NAALADL2: variants seen among roughly 807,000 people sequenced by gnomAD.
The protein encoded by NAALADL2 is inactive N-acetylated-alpha-linked acidic dipeptidase-like protein 2.
NAALADL2 carries 76 observed loss-of-function variants against 87.2 expected under a neutral mutation model. That is an observed-to-expected ratio of 0.87 (90% CI 0.72 to 1.05). NAALADL2 has a LOEUF of 1.05. Ranked by LOEUF, NAALADL2 falls within the 50% of genes least tolerant of loss-of-function variation. The probability of loss-of-function intolerance (pLI) is 0.00; values close to 1 mark genes in which losing one functional copy is unlikely to be tolerated. For missense variants in NAALADL2, 1,089 were observed against 945.8 expected (o/e 1.15, Z -1.99); for synonymous variants, 354 against 331.0 (o/e 1.07, Z -0.75).
At chr3:175,567,724 T>C (rs1041037689) in intron 9 of NAALADL2, among the ~76,000 whole-genome samples, 13 of 151,208 alleles carry the variant, frequency 8.6e-5, no homozygotes, top group Non-Finnish European at 1.8e-4. Context: ...TTTTCTTTTT[T>C]TTTTTTTTTG....
At chr3:175,626,345 A>G (rs1237159857) in intron 10 of NAALADL2, among the ~76,000 whole-genome samples, 1 of 151,914 alleles carries the variant, frequency 6.6e-6, no homozygotes, top group Non-Finnish European at 1.5e-5. Flanking sequence ...GTCCATGTCA[A>G]TGTTATCTTA....
At chr3:174,881,002 A>T (rs986537298) in intron 1 of NAALADL2, among the ~76,000 whole-genome samples, 2 of 152,044 alleles carry the variant, frequency 1.3e-5, no homozygotes, top group African/African-American at 4.8e-5. Flanking sequence ...CTGTCTTTTT[A>T]TCTGGGTCTT....
chr3:174,548,144 A>G (rs1488620326), intron 1 of NAALADL2, among the ~76,000 whole-genome samples: 1 of 152,204 alleles, frequency 6.6e-6, no homozygotes, highest in Non-Finnish European at 1.5e-5. Context: ...CATTTAGTTC[A>G]TTACGAACTG....
chr3:175,083,989 GAGA>G (rs1219980647), intron 1 of NAALADL2, among the ~76,000 whole-genome samples: 1 of 152,218 alleles, frequency 6.6e-6, no homozygotes, highest in East Asian at 1.9e-4. Context: ...TGTGTATGCC[GAGA>G]AGAAGCTTGA....
chr3:175,728,111 A>G (rs954195647), intron 11 of NAALADL2, among the ~76,000 whole-genome samples: 4 of 152,178 alleles, frequency 2.6e-5, no homozygotes, highest in African/African-American at 9.7e-5. Context: ...ATAGTTGAAT[A>G]TTAGATATCA....
chr3:175,329,772 G>A (rs1444866310), intron 5 of NAALADL2, among the ~76,000 whole-genome samples: 5 of 151,962 alleles, frequency 3.3e-5, no homozygotes, highest in Admixed American at 6.6e-5. Context: ...ATTGTTAAGC[G>A]GCAAAATTTT....
chr3:175,089,930 T>C (rs573808609), intron 1 of NAALADL2, among the ~76,000 whole-genome samples: 1 of 152,192 alleles, frequency 6.6e-6, no homozygotes, highest in East Asian at 1.9e-4. Context: ...GGCTTTCTTT[T>C]AGCCTGAATA....
chr3:174,458,050 T>C (rs796590587), intron 1 of NAALADL2, among the ~76,000 whole-genome samples: 1 of 152,156 alleles, frequency 6.6e-6, no homozygotes, highest in East Asian at 1.9e-4. Flanking sequence ...CCAAGCTTGA[T>C]ACCTGGGTGG....
intron 12 of NAALADL2, among the ~76,000 whole-genome samples, chr3:175,746,161 TTTTC>T (rs1745892516): frequency 1.3e-5 from 2 of 151,214 alleles, no homozygotes; most frequent in South Asian, 4.2e-4. Flanking sequence ...GGTCTGACTT[TTTTC>T]TTTTTTTTTT....
intron 6 of NAALADL2, among the ~76,000 whole-genome samples, chr3:175,455,928 T>C (rs540483457): frequency 6.6e-6 from 1 of 152,120 alleles, no homozygotes; most frequent in East Asian, 1.9e-4. Context: ...CTCAAGTATA[T>C]ATAATGGGAC....
chr3:174,554,580 A>G, intron 2 of NAALADL2, among the ~76,000 whole-genome samples: 1 of 152,078 alleles, frequency 6.6e-6, no homozygotes, highest in Admixed American at 6.6e-5. Context: ...AAATCTATGA[A>G]GCATGTCATT....
At chr3:175,140,328 A>C (rs1729806901) in intron 2 of NAALADL2, among the ~76,000 whole-genome samples, 1 of 152,154 alleles carries the variant, frequency 6.6e-6, no homozygotes, top group Non-Finnish European at 1.5e-5. Flanking sequence ...AGGTGGGACT[A>C]GAAAATGTAC....
At chr3:175,044,930 AT>A (rs5854607) in intron 1 of NAALADL2, among the ~76,000 whole-genome samples, 37,181 of 143,618 alleles carry the variant, frequency 0.26, 4,733 homozygotes, top group East Asian at 0.38. Flanking sequence ...GCAATTTCTG[AT>A]TTTTTTTTTT....
intron 2 of NAALADL2, among the ~76,000 whole-genome samples, chr3:175,125,984 A>G (rs1329496034): frequency 6.6e-6 from 1 of 152,096 alleles, no homozygotes; most frequent in Admixed American, 6.6e-5. Context: ...ATTTACAGGA[A>G]ATCCAAAACA....
Position 175,324,195 on chromosome 3 carries a change from T to A in NAALADL2, c.960T>A (p.Ala320=), listed in dbSNP as rs778376386. The change falls in exon 5 of 14, where the codon GCT becomes GCA. Residue 320 remains alanine, a synonymous_variant. Transcript: ENST00000454872. ...LLYKLSSLEK[A]GFGGVLLYID... The stretch of plus-strand genomic sequence containing the variant: ...TTTAGCTTTCCTCATTGGAAAAGGC[T>A]GGATTTGGAGGTGTTCTTCTGTATA... The A allele has an allele frequency of 6.2e-7, 1 of 1,613,232 alleles. No individual in the cohort carries two copies. The highest frequency in any genetic ancestry group is 8.5e-7 in the Non-Finnish European group (1 of 1,179,588).
chr3:175,657,132 A>G lies in NAALADL2; in HGVS notation c.1896+29746A>G, dbSNP rs906411701. ...TTCAGTCAATTAGTATTAAAATGCC[A>G]GATATTTTTCCCTCCAAGAGTCAGG... On this transcript the variant is annotated intron_variant, in intron 11 of 13. Transcript: ENST00000454872. 3.9e-5 allele frequency among the ~76,000 whole-genome samples: 6 copies of G among 152,200 alleles called. No homozygotes were observed. In the South Asian group the frequency reaches 1.2e-3, roughly 32 times the overall value.
At chr3:174,951,768 CTGGTTAA>C (rs1740396717) in intron 1 of NAALADL2, among the ~76,000 whole-genome samples, 1 of 152,062 alleles carries the variant, frequency 6.6e-6, no homozygotes, top group Non-Finnish European at 1.5e-5. Flanking sequence ...CAAATACTTG[CTGGTTAA>C]ATGTTATTTT....
chr3:175,125,074 T>A (rs1260564630), intron 2 of NAALADL2, among the ~76,000 whole-genome samples: 2 of 152,000 alleles, frequency 1.3e-5, no homozygotes, highest in East Asian at 3.9e-4. Context: ...GTGTTCTAGA[T>A]CTGCATTGTT....
At chr3:174,783,365 TGAG>T (rs1370087290) in intron 3 of NAALADL2, among the ~76,000 whole-genome samples, 1 of 152,156 alleles carries the variant, frequency 6.6e-6, no homozygotes, top group Non-Finnish European at 1.5e-5. Context: ...CCGATGAAGA[TGAG>T]GATTACTTCT....
Sources: gnomAD v4.1 joint callset for allele counts (sites outside exome capture counted in the v4.1 genomes callset) on GRCh38, gnomAD v4.1.1 for gene constraint, MANE v1.5 for transcripts, NCBI Gene and HGNC (gene_info 2026-07-23, HGNC 2026-07-21) for gene names.